The following MYO18B variants were observed in gnomAD, a reference collection of about 807,000 sequenced individuals.
MYO18B encodes unconventional myosin-XVIIIb.
A neutral mutation model predicts 273.0 loss-of-function variants in MYO18B; 204 were observed. The ratio of observed to expected loss-of-function variants is 0.75; its 90% CI spans 0.67 to 0.84. MYO18B has a LOEUF of 0.84. Ranked by LOEUF, MYO18B falls within the 40% of genes least tolerant of loss-of-function variation. The probability of loss-of-function intolerance (pLI) is 0.00; values close to 1 mark genes in which losing one functional copy is unlikely to be tolerated. For synonymous variants in MYO18B, 1,330 were observed against 1,305.7 expected (o/e 1.02, Z -0.40); for missense variants, 3,212 against 3,287.6 (o/e 0.98, Z 0.56).
At chr22:25,948,433 TC>T (rs879691295) in intron 36 of MYO18B, among the ~76,000 whole-genome samples, 13,805 of 136,680 alleles carry the variant, frequency 0.1, 747 homozygotes, top group Middle Eastern at 0.15. Flanking sequence ...CTTCCTTCCT[TC>T]CTTCCTTCCT....
intron 17 of MYO18B, 97 bp downstream of exon 17, chr22:25,835,540 C>A: frequency 6.8e-7 from 1 of 1,468,278 alleles, no homozygotes; most frequent in South Asian, 1.2e-5. Context: ...AAGGCCTGCA[C>A]AGAGGCTCCA....
intron 23 of MYO18B, among the ~76,000 whole-genome samples, chr22:25,874,810 G>A (rs2091146453): frequency 6.6e-6 from 1 of 152,164 alleles, no homozygotes; most frequent in South Asian, 2.1e-4. Flanking sequence ...AGAGATCTCT[G>A]GAGACTGAAT....
chr22:25,801,184 C>T (rs919545516), intron 12 of MYO18B, among the ~76,000 whole-genome samples: 2 of 152,028 alleles, frequency 1.3e-5, no homozygotes, highest in African/African-American at 4.8e-5. Context: ...GTGTGCCTGG[C>T]TTCCTAACTA....
In MYO18B at chr22:25,808,952, G is replaced by C. The variant is rs5761237; in HGVS notation, c.2521+10855G>C. ...ACTTTTAGAAGAGGCTGACCTGGGC[G>C]GTTTTTTTTGAGACAGAGTCTTGCT... On this transcript the variant is annotated intron_variant, in intron 12 of 43. Coordinates refer to ENST00000335473, the MANE Select transcript of MYO18B (RefSeq NM_032608.7). Among the ~76,000 whole-genome samples the C allele has an allele frequency of 2.0e-3, 306 of 151,936 alleles. 2 individuals are homozygous for C. The highest frequency in any genetic ancestry group is 7.2e-3 in the African/African-American group (298 of 41,402).
intron 1 of MYO18B, among the ~76,000 whole-genome samples, chr22:25,757,726 G>A (rs2086170305): frequency 6.6e-6 from 1 of 152,206 alleles, no homozygotes. Flanking sequence ...CTAGAAGTGA[G>A]AAAAGCCAAA....
intron 28 of MYO18B, chr22:25,896,546 T>C (rs1439263396): frequency 1.3e-5 from 2 of 152,240 alleles, no homozygotes; most frequent in Non-Finnish European, 2.9e-5. Context: ...TCTGCATTTC[T>C]GATATCCTGA....
In MYO18B at chr22:25,876,042, G is replaced by GTGTGTA. The variant is rs2091185513; in HGVS notation, c.4081-144_4081-143insGTATGT. The GTGTGTA allele has an allele frequency of 9.0e-6, 4 of 446,250 alleles. No homozygotes were observed. In the South Asian group the frequency reaches 9.5e-5, roughly 11 times the overall value. 27.6% of individuals were successfully genotyped at this position (446,250 alleles called of 1,614,324 possible). ...TGTGTGTGTGTGTGTGTGTGTGTGT[G>GTGTGTA]TGTATGTGTTTTAAGGTATCCAGTC... On this transcript the variant is annotated intron_variant, in intron 23 of 43. Coordinates refer to ENST00000335473, the MANE Select transcript of MYO18B (RefSeq NM_032608.7).
chr22:25,974,484 T>G (rs551729627), intron 39 of MYO18B, among the ~76,000 whole-genome samples: 8 of 152,330 alleles, frequency 5.3e-5, no homozygotes, highest in Non-Finnish European at 1.0e-4. Flanking sequence ...TTTTAGAACT[T>G]TAGGATTTTA....
chr22:25,797,892 T>G, intron 11 of MYO18B, 61 bp from the exon 12 acceptor site: 7 of 1,612,128 alleles, frequency 4.3e-6, no homozygotes, highest in Non-Finnish European at 5.9e-6. Flanking sequence ...CTTCAAGTTG[T>G]GAGCTTGTGT....
the MYO18B span, among the ~76,000 whole-genome samples, chr22:26,059,401 G>A: frequency 6.6e-6 from 1 of 152,358 alleles, no homozygotes; most frequent in Non-Finnish European, 1.5e-5. Flanking sequence ...GGTGGGAAAA[G>A]AGGAATTATG....
At chr22:25,960,409 T>C (rs2092905354) in intron 39 of MYO18B, among the ~76,000 whole-genome samples, 1 of 152,168 alleles carries the variant, frequency 6.6e-6, no homozygotes, top group African/African-American at 2.4e-5. Context: ...AAGGCCTGAC[T>C]TCGGCCTACC....
the MYO18B span, among the ~76,000 whole-genome samples, chr22:26,038,248 A>T: frequency 3.3e-5 from 5 of 152,172 alleles, no homozygotes; most frequent in Non-Finnish European, 5.9e-5. Flanking sequence ...TTCTGGTCTC[A>T]AAGATTTAGG....
rs563723904 is a variant in MYO18B, at chr22:25,887,976, T to A, written c.4315-2780T>A. Among the ~76,000 whole-genome samples, 21 of 152,210 alleles carry A rather than the reference T, an allele frequency of 1.4e-4. 1 individual carries two copies. The South Asian group carries it at 4.4e-3, about 32-fold the overall frequency. On this transcript the variant is annotated intron_variant, in intron 25 of 43. Coordinates refer to ENST00000335473, the MANE Select transcript of MYO18B (RefSeq NM_032608.7). ...ATTAATGCTAATTTCAAGGATGGTG[T>A]TTGGGGTGTGACCTGGGGCATTCCT...
chr22:25,927,365 G>C (rs2092436169), intron 34 of MYO18B, among the ~76,000 whole-genome samples: 2 of 152,142 alleles, frequency 1.3e-5, no homozygotes, highest in Non-Finnish European at 2.9e-5. Flanking sequence ...AGCCCCCCTA[G>C]GTGCGCCTGT....
intron 39 of MYO18B, among the ~76,000 whole-genome samples, chr22:25,981,596 T>A (rs944368960): frequency 6.6e-6 from 1 of 152,096 alleles, no homozygotes. Context: ...AATAAAAAAA[T>A]TAGCCTGGTG....
Position 25,777,716 on chromosome 22 carries a change from C to G in MYO18B, c.2003C>G (p.Thr668Ser). 1 of 1,612,222 alleles carries G rather than the reference C, an allele frequency of 6.2e-7. No individual in the cohort carries two copies. The highest frequency in any genetic ancestry group is 8.5e-7 in the Non-Finnish European group (1 of 1,179,010). Residue 668 changes from threonine to serine, a missense_variant, in exon 8 of 44, where the codon ACC becomes AGC. Coordinates refer to ENST00000335473, the MANE Select transcript of MYO18B (RefSeq NM_032608.7). ...GGCTGGAGTGGCGCTGGGAAGACCA[C>G]CTGCTGTGAGCAGGTCCTGGAACAC... Reference protein sequence around the residue: ...ALGWSGAGKTTCCEQVLEHLV... With the variant: ...ALGWSGAGKTSCCEQVLEHLV...
rs1291145903 is a variant in MYO18B, at chr22:25,768,925, A to G, written c.1009A>G (p.Lys337Glu). Residue 337 changes from lysine (K) to glutamate (E), a missense_variant, in exon 4 of 44, where the codon AAA becomes GAA. Coordinates refer to ENST00000335473, the MANE Select transcript of MYO18B (RefSeq NM_032608.7). ...GGACGGTCCCCAGAATAAGAAGGAC[A>G]AAGAAGGGGTGCTCTTAAGTAAGGC... is the stretch of plus-strand genomic sequence containing the variant. ...KWDGPQNKKD[K>E]EGVLLSKAEK... 1.2e-6 allele frequency: 2 copies of G among 1,612,424 alleles called. No individual in the cohort carries two copies. Among genetic ancestry groups the G allele is most frequent in the East Asian group, 2.2e-5 (1 of 44,876 alleles).
At chr22:25,918,151 G>A (rs568050311) in intron 33 of MYO18B, among the ~76,000 whole-genome samples, 21 of 152,160 alleles carry the variant, frequency 1.4e-4, no homozygotes, top group African/African-American at 4.3e-4. Context: ...TTTTCATAGT[G>A]TTCTCAGGCA....
rs140349042 is a variant in MYO18B, at chr22:25,983,918, C to A, written c.6157-8445C>A. 3.7e-3 allele frequency among the ~76,000 whole-genome samples: 561 copies of A among 152,300 alleles called. 2 individuals carry two copies. The highest frequency in any genetic ancestry group is 0.013 in the African/African-American group (531 of 41,566). The stretch of plus-strand genomic sequence containing the variant: ...AGTGCCTTCCTGCTGTTGCTAATCT[C>A]TCCTGGCTTTCCCAAAGCATTCTGT... On this transcript the variant is annotated intron_variant, in intron 39 of 43. Coordinates refer to ENST00000335473, the MANE Select transcript of MYO18B (RefSeq NM_032608.7).
Sources: allele counts gnomAD v4.1 joint callset (sites outside exome capture counted in the v4.1 genomes callset), GRCh38; gene constraint gnomAD v4.1.1; transcripts MANE v1.5; gene names NCBI Gene and HGNC (gene_info 2026-07-23, HGNC 2026-07-21).